The following RGS18 variants were observed in gnomAD, a reference collection of about 807,000 sequenced individuals.
RGS18 encodes regulator of G-protein signaling 18.
In RGS18, 22 loss-of-function variants were observed where a neutral mutation model predicts 27.6. The observed-to-expected ratio is 0.80, with a 90% CI of 0.57 to 1.14. RGS18 has a LOEUF of 1.14. Ranked by LOEUF, RGS18 falls within the 50% of genes most tolerant of loss-of-function variation. The pLI is 0.00. For synonymous variants in RGS18, 89 were observed against 84.6 expected, an observed-to-expected ratio of 1.05 and a Z score of -0.29; for missense variants, 299 against 269.6, an observed-to-expected ratio of 1.11 and a Z score of -0.76.
intron 3 of RGS18, among the ~76,000 whole-genome samples, chr1:192,178,588 GA>G (rs929135734): frequency 2.0e-5 from 3 of 150,960 alleles, no homozygotes; most frequent in South Asian, 2.1e-4. Flanking sequence ...CATATGGATG[GA>G]AAAAAAATGT....
intron 3 of RGS18, among the ~76,000 whole-genome samples, chr1:192,166,971 A>G (rs1656173598): frequency 1.3e-5 from 2 of 152,150 alleles, no homozygotes; most frequent in Admixed American, 1.3e-4. Flanking sequence ...CAATTAGACA[A>G]TCTTTCCACT....
In RGS18 at chr1:192,158,523, T is replaced by C. The variant is rs1280165433; in HGVS notation, c.-115T>C. 5 of 917,526 alleles carry C rather than the reference T, an allele frequency of 5.4e-6. No homozygotes were observed. The highest frequency in any genetic ancestry group is 7.4e-6 in the Non-Finnish European group (5 of 675,986). 56.8% of individuals were successfully genotyped at this position (917,526 alleles called of 1,614,324 possible). On this transcript the variant is annotated 5_prime_UTR_variant, in exon 1 of 5. Transcript: ENST00000367460. The stretch of plus-strand genomic sequence containing the variant: ...CTCTTGACTTCTTTTTTGTAAACAT[T>C]ACTGTAAGAGTTGTGATAACTTTTT...
intron 3 of RGS18, among the ~76,000 whole-genome samples, chr1:192,170,213 C>A (rs1174724149): frequency 6.6e-6 from 1 of 152,036 alleles, no homozygotes; most frequent in Non-Finnish European, 1.5e-5. Flanking sequence ...GCATGTGATA[C>A]GGTTTGGTTG....
chr1:192,180,651 C>T (rs941536058), intron 3 of RGS18, among the ~76,000 whole-genome samples: 3 of 151,672 alleles, frequency 2.0e-5, no homozygotes, highest in African/African-American at 2.4e-5. Flanking sequence ...AGACACTTAA[C>T]GTTTCCACTC....
chr1:192,185,555 G>A lies in RGS18; in HGVS notation c.*1001G>A, dbSNP rs1195469028. On this transcript the variant is annotated 3_prime_UTR_variant, in exon 5 of 5. Transcript: ENST00000367460. Reference sequence around the variant, plus strand: ...ATCTCATTGATTATATTCTTGTTAAGCAAATCTCCTTAAGTAATTATTATT... The same window carrying A: ...ATCTCATTGATTATATTCTTGTTAAACAAATCTCCTTAAGTAATTATTATT... 6.6e-6 allele frequency: 1 copy of A among 151,538 alleles called. No homozygotes were observed. Among genetic ancestry groups the A allele is most frequent in the African/African-American group, 2.4e-5 (1 of 41,334 alleles). The allele number at this position is 151,538 out of a possible 1,614,324, so 9.4% of individuals were successfully genotyped here. A position where few individuals can be genotyped will look rare whatever the true frequency, so the allele number is the denominator to read the frequency against.
At chr1:192,170,564 C>G (rs890493836) in intron 3 of RGS18, among the ~76,000 whole-genome samples, 1 of 151,772 alleles carries the variant, frequency 6.6e-6, no homozygotes, top group African/African-American at 2.4e-5. Context: ...TCAGGTATTC[C>G]TTTATAGCAA....
intron 3 of RGS18, among the ~76,000 whole-genome samples, chr1:192,175,811 T>G (rs995328177): frequency 6.6e-6 from 1 of 151,876 alleles, no homozygotes; most frequent in African/African-American, 2.4e-5. Flanking sequence ...CCCTATGTCT[T>G]GGGCTACAAT....
intron 3 of RGS18, among the ~76,000 whole-genome samples, chr1:192,177,372 TG>T (rs1461466695): frequency 6.6e-6 from 1 of 151,604 alleles, no homozygotes; most frequent in East Asian, 1.9e-4. Flanking sequence ...AAGTGTTTCA[TG>T]TTTTTTTAAT....
chr1:192,159,417 T>A (rs1192678256), intron 2 of RGS18, 96 bp downstream of exon 2: 4 of 774,280 alleles, frequency 5.2e-6, no homozygotes, highest in Non-Finnish European at 8.8e-6. Flanking sequence ...TTATTGAAAA[T>A]TACACAGCAA....
At chr1:192,172,866 T>TATATATATATATATATATATATATAA (rs1656286434) in intron 3 of RGS18, among the ~76,000 whole-genome samples, 2 of 132,334 alleles carry the variant, frequency 1.5e-5, no homozygotes, top group Non-Finnish European at 3.3e-5. Flanking sequence ...AAAATATGCA[T>TATATATATATATATATATATATATAA]ATATATATAT....
chr1:192,184,969 G>A lies in RGS18; in HGVS notation c.*415G>A, dbSNP rs1656523850. ...TAATACTCAGATATCCAAATGTTCA[G>A]ATAGCATTTTTCATAATGAATGTTC... On this transcript the variant is annotated 3_prime_UTR_variant, in exon 5 of 5. Coordinates refer to ENST00000367460, the MANE Select transcript of RGS18 (RefSeq NM_130782.3). The A allele has an allele frequency of 5.9e-6, 1 of 170,596 alleles. No homozygotes were observed. Among genetic ancestry groups the A allele is most frequent in the African/African-American group, 2.4e-5 (1 of 41,498 alleles). 10.6% of individuals were successfully genotyped at this position (170,596 alleles called of 1,614,324 possible).
At chr1:192,178,110 G>A (rs545827189) in intron 3 of RGS18, among the ~76,000 whole-genome samples, 5 of 151,512 alleles carry the variant, frequency 3.3e-5, no homozygotes, top group African/African-American at 9.7e-5. Context: ...TATGAAAGGG[G>A]AATTTTTTTT....
At chr1:192,169,533 T>C (rs990819463) in intron 3 of RGS18, 2 of 152,156 alleles carry the variant, frequency 1.3e-5, no homozygotes, top group East Asian at 3.9e-4. Flanking sequence ...ATGCCTCTTT[T>C]TGTGAAATGG....
chr1:192,169,543 G>A (rs1656220461), intron 3 of RGS18: 1 of 152,106 alleles, frequency 6.6e-6, no homozygotes, highest in Non-Finnish European at 1.5e-5. Context: ...TTGTGAAATG[G>A]GGAAAGGCAG....
intron 3 of RGS18, among the ~76,000 whole-genome samples, chr1:192,175,071 C>A (rs1317558580): frequency 1.3e-5 from 2 of 151,818 alleles, no homozygotes; most frequent in Non-Finnish European, 2.9e-5. Flanking sequence ...AATCTGTTGC[C>A]ATGACCATCC....
chr1:192,178,148 G>C (rs1320467993), intron 3 of RGS18, among the ~76,000 whole-genome samples: 1 of 151,648 alleles, frequency 6.6e-6, no homozygotes, highest in Non-Finnish European at 1.5e-5. Flanking sequence ...CTATGTGTGA[G>C]ATAAGAGGAA....
rs1557940161 is a variant in RGS18, at chr1:192,184,601, T to G, written c.*47T>G. The stretch of plus-strand genomic sequence containing the variant: ...TTTATGACAAACTTATACATCTGCT[T>G]CTAACATATCGCATGTTTATGTTAA... On this transcript the variant is annotated 3_prime_UTR_variant, in exon 5 of 5. Transcript: ENST00000367460. 1 of 1,530,348 alleles carries G rather than the reference T, an allele frequency of 6.5e-7. No homozygotes were observed. The highest frequency in any genetic ancestry group is 9.0e-7 in the Non-Finnish European group (1 of 1,111,520). 94.8% of individuals were successfully genotyped at this position (1,530,348 alleles called of 1,614,324 possible).
At chr1:192,172,802 C>T (rs1274508091) in intron 3 of RGS18, among the ~76,000 whole-genome samples, 1 of 149,882 alleles carries the variant, frequency 6.7e-6, no homozygotes, top group Admixed American at 6.7e-5. Context: ...AGGGCATGAA[C>T]ACCTTTGGAG....
chr1:192,178,384 A>G (rs759560632), intron 3 of RGS18, among the ~76,000 whole-genome samples: 24 of 151,760 alleles, frequency 1.6e-4, no homozygotes, highest in Admixed American at 3.9e-4. Context: ...AATCATCTGC[A>G]TATTGATCGT....
Sources: gnomAD v4.1 joint callset for allele counts (sites outside exome capture counted in the v4.1 genomes callset) on GRCh38, gnomAD v4.1.1 for gene constraint, MANE v1.5 for transcripts, NCBI Gene and HGNC (gene_info 2026-07-23, HGNC 2026-07-21) for gene names.